Variants in CELSR2 observed in about 807,000 individuals in gnomAD.
CELSR2 encodes EGF-like protein 2.
CELSR2 carries 81 observed loss-of-function variants against 251.6 expected under a neutral mutation model. The ratio of observed to expected loss-of-function variants is 0.32; its 90% CI spans 0.27 to 0.39. CELSR2 has a LOEUF of 0.39. Among genes scored for constraint, CELSR2 ranks in the 10% least tolerant of loss-of-function variants. CELSR2 has a pLI of 1.00. For synonymous variants in CELSR2, 1,721 were observed against 1,670.5 expected, an observed-to-expected ratio of 1.03 and a Z score of -0.74; for missense variants, 3,365 against 3,947.7, an observed-to-expected ratio of 0.85 and a Z score of 3.96.
chr1:109,273,130 C>T lies in CELSR2; in HGVS notation c.8339-36C>T, dbSNP rs979102077. ...GGGTGGTGGCCTCCTGGCTATCTGCCCTCTGTGGGCCTCATCTACTTCCTT... is the reference window on the plus strand; with the variant it reads ...GGGTGGTGGCCTCCTGGCTATCTGCTCTCTGTGGGCCTCATCTACTTCCTT... On this transcript the variant is annotated intron_variant, in intron 31 of 33. Transcript: ENST00000271332. 4 of 1,603,506 alleles carry T rather than the reference C, an allele frequency of 2.5e-6. No homozygotes were observed. The Admixed American group carries it at 5.2e-5, about 21-fold the overall frequency.
rs764832827 is a variant in CELSR2, at chr1:109,268,017, G to A, written c.6275G>A (p.Arg2092Gln). 40 of 1,608,642 alleles carry A rather than the reference G, an allele frequency of 2.5e-5. No homozygotes were observed. The highest frequency in any genetic ancestry group is 6.7e-5 in the East Asian group (3 of 44,832). ...TRLLAHESTQ[R>Q]GFGLSATQDV... ...CTGCTGGCCCACGAGAGCACCCAGC[G>A]GGGCTTTGGGCTGTCTGCCACACAG... The change falls in exon 17 of 34, where the codon CGG becomes CAG. Residue 2092 changes from arginine (R) to glutamine (Q), a missense_variant. Transcript: ENST00000271332.
chr1:109,262,492 A>G, intron 6 of CELSR2, 48 bp downstream of exon 6: 6 of 1,595,836 alleles, frequency 3.8e-6, no homozygotes, highest in Non-Finnish European at 5.1e-6. Context: ...GGGCAGGGCC[A>G]GGCAGGGAGG....
At chr1:109,265,337 T>C (rs766104377) in intron 13 of CELSR2, 26 bp downstream of exon 13, 1 of 1,576,502 alleles carries the variant, frequency 6.3e-7, no homozygotes, top group East Asian at 2.2e-5. Context: ...AAGCCTCCAC[T>C]GTGGCCACTT....
Position 109,252,909 on chromosome 1 carries a change from A to T in CELSR2, c.2830A>T (p.Thr944Ser). ...CATTGGGCTAGCCGTGGCCCGGGTC[A>T]CAGCCACTGACCCCGATGAAGGCAC... ...SPIGLAVARV[T>S]ATDPDEGTNA... Residue 944 changes from threonine to serine, a missense_variant, in exon 1 of 34, where the codon ACA becomes TCA. By Grantham distance (58) the Thr-to-Ser change is moderately conservative. Transcript: ENST00000271332. This position sits in a 1 kb window ranked among gnomAD's most constrained non-coding sequence, Gnocchi z 4.8. The T allele has an allele frequency of 6.2e-7, 1 of 1,612,624 alleles. No individual in the cohort carries two copies. Among genetic ancestry groups the T allele is most frequent in the Non-Finnish European group, 8.5e-7 (1 of 1,179,212 alleles).
chr1:109,258,742 G>A lies in CELSR2; in HGVS notation c.3621G>A (p.Glu1207=). ...TCCTGCCCTCTGAGGACCTGCAGGAGCGCCTATACCTCAACCGCAGCCTGC... is the reference window on the plus strand; with the variant it reads ...TCCTGCCCTCTGAGGACCTGCAGGAACGCCTATACCTCAACCGCAGCCTGC... ...PPFLPSEDLQ[E]RLYLNRSLLT... Residue 1207 remains glutamate, a synonymous_variant, in exon 2 of 34, where the codon GAG becomes GAA. Coordinates refer to ENST00000271332, the MANE Select transcript of CELSR2 (RefSeq NM_001408.3). The A allele has an allele frequency of 1.9e-6, 3 of 1,568,506 alleles. No individual in the cohort carries two copies. Among genetic ancestry groups the A allele is most frequent in the Admixed American group, 1.9e-5 (1 of 52,866 alleles).
Position 109,261,182 on chromosome 1 carries a change from G to C in CELSR2, c.4099G>C (p.Val1367Leu), listed in dbSNP as rs1436289504. Residue 1367 changes from valine (V) to leucine (L), a missense_variant, in exon 3 of 34, where the codon GTG becomes CTG. Transcript: ENST00000271332. The surrounding 1 kb of genome is among the most constrained non-coding windows in gnomAD (Gnocchi z 4.8). ...AGACTTCGAGAAGCCCTACTGCCAGGTGACCACGCGCAGCTTCCCCGCCCA... is the reference window on the plus strand; with the variant it reads ...AGACTTCGAGAAGCCCTACTGCCAGCTGACCACGCGCAGCTTCCCCGCCCA... Reference protein sequence around the residue: ...SGDFEKPYCQVTTRSFPAHSF... With the variant: ...SGDFEKPYCQLTTRSFPAHSF... 2 of 1,614,150 alleles carry C rather than the reference G, an allele frequency of 1.2e-6. No homozygotes were observed. The highest frequency in any genetic ancestry group is 1.7e-6 in the Non-Finnish European group (2 of 1,180,020).
In CELSR2 at chr1:109,251,851, C is replaced by A; in HGVS notation, c.1772C>A (p.Thr591Asn). The change falls in exon 1 of 34, where the codon ACT becomes AAT. Residue 591 changes from threonine (T) to asparagine (N), a missense_variant. Transcript: ENST00000271332. This position sits in a 1 kb window ranked among gnomAD's most constrained non-coding sequence, Gnocchi z 4.9. ...CGAGACCATGGCACTCCAGCACTCA[C>A]TGCCTCGGCCAGTGTCAGCGTGACT... ...EARDHGTPAL[T>N]ASASVSVTVL... 6.2e-7 allele frequency: 1 copy of A among 1,614,170 alleles called. No homozygotes were observed. Among genetic ancestry groups the A allele is most frequent in the Non-Finnish European group, 8.5e-7 (1 of 1,180,028 alleles).
Position 109,264,323 on chromosome 1 carries a change from G to A in CELSR2, c.5247G>A (p.Gly1749=), listed in dbSNP as rs750051706. The part of the protein sequence containing the change: ...LSNITVGGIP[G]PAGGVARGFR... ...ACATAACAGTGGGCGGAATACCTGG[G>A]CCAGCCGGCGGTGTGGCCCGTGGCT... The change falls in exon 10 of 34, where the codon GGG becomes GGA. Residue 1749 remains glycine, a synonymous_variant. Transcript: ENST00000271332. The A allele has an allele frequency of 4.3e-6, 7 of 1,612,738 alleles. No homozygotes were observed. The highest frequency in any genetic ancestry group is 5.9e-6 in the Non-Finnish European group (7 of 1,179,058).
chr1:109,250,126 C>CGCCGCT lies in CELSR2; in HGVS notation c.49_50insCGCTGC (p.Pro16_Leu17insProLeu), dbSNP rs1553179299. 6.4e-6 allele frequency: 10 copies of CGCCGCT among 1,573,104 alleles called. No homozygotes were observed. Among genetic ancestry groups the CGCCGCT allele is most frequent in the South Asian group, 2.3e-5 (2 of 87,100 alleles). On this transcript the variant is annotated inframe_insertion, in exon 1 of 34. Coordinates refer to ENST00000271332, the MANE Select transcript of CELSR2 (RefSeq NM_001408.3). The surrounding 1 kb of genome is among the most constrained non-coding windows in gnomAD (Gnocchi z 4.4). ...GTCCCCCTCCCAACGCCGCCGCCGC[C>CGCCGCT]GCTGCTGCTGCTGTTGCTGCTGCTG...
chr1:109,253,101 A>G lies in CELSR2; in HGVS notation c.3022A>G (p.Thr1008Ala), dbSNP rs376285503. The part of the protein sequence containing the change: ...ATSAPLVSRA[T>A]VHVRLLDRND... ...GTCAGCTCCTCTGGTGAGCCGGGCTACAGTCCACGTCCGCCTCCTTGACCG... is the reference window on the plus strand; with the variant it reads ...GTCAGCTCCTCTGGTGAGCCGGGCTGCAGTCCACGTCCGCCTCCTTGACCG... The change falls in exon 1 of 34, where the codon ACA becomes GCA. Residue 1008 changes from threonine (T) to alanine (A), a missense_variant. This residue lies in a region of CELSR2 where 505 missense variants were observed against 660.0 expected (regional missense o/e 0.77). Coordinates refer to ENST00000271332, the MANE Select transcript of CELSR2 (RefSeq NM_001408.3). 163 of 1,613,656 alleles carry G rather than the reference A, an allele frequency of 1.0e-4. 2 individuals carry two copies. The highest frequency in any genetic ancestry group is 6.9e-5 in the Non-Finnish European group (82 of 1,180,026).
Position 109,266,197 on chromosome 1 carries a change from G to A in CELSR2, c.6004G>A (p.Gly2002Ser), listed in dbSNP as rs1016136564. ...GCCTGCTGCTGCTCCCTGTCCCAAAGGCTCCTTTGGTAGGTGTTGGAGGCC... is the reference window on the plus strand; with the variant it reads ...GCCTGCTGCTGCTCCCTGTCCCAAAAGCTCCTTTGGTAGGTGTTGGAGGCC... Reference protein sequence around the residue: ...GLPAAAPCPKGSFGTAVRHCD... With the variant: ...GLPAAAPCPKSSFGTAVRHCD... The change falls in exon 15 of 34, where the codon GGC (glycine) becomes AGC (serine). Residue 2002 changes from glycine (G) to serine (S), a missense_variant. Around this residue, in one of 5 missense-constraint regions of CELSR2, gnomAD observed 2,093 missense variants for 2,382.8 expected, o/e 0.88. Coordinates refer to ENST00000271332, the MANE Select transcript of CELSR2 (RefSeq NM_001408.3). 3 of 1,613,982 alleles carry A rather than the reference G, an allele frequency of 1.9e-6. No homozygotes were observed. The highest frequency in any genetic ancestry group is 1.3e-5 in the African/African-American group (1 of 74,938).
intron 13 of CELSR2, 77 bp from the exon 14 acceptor site, chr1:109,265,658 G>A: frequency 6.5e-7 from 1 of 1,538,100 alleles, no homozygotes; most frequent in Non-Finnish European, 8.8e-7. Context: ...CTCCACAGGG[G>A]CCACAGCTGA....
Position 109,261,799 on chromosome 1 carries a change from T to A in CELSR2, c.4298-9T>A. 6.3e-7 allele frequency: 1 copy of A among 1,586,082 alleles called. No homozygotes were observed. Among genetic ancestry groups the A allele is most frequent in the African/African-American group, 1.3e-5 (1 of 74,296 alleles). On this transcript the variant is annotated splice_polypyrimidine_tract_variant and intron_variant, in intron 4 of 33. Coordinates refer to ENST00000271332, the MANE Select transcript of CELSR2 (RefSeq NM_001408.3). This position sits in a 1 kb window ranked among gnomAD's most constrained non-coding sequence, Gnocchi z 4.8. ...TCAGGCATTCCAGCTCACCTGGTCC[T>A]TTCCCCAGGGGAGTCAACCACCACG... is the stretch of plus-strand genomic sequence containing the variant.
In CELSR2 at chr1:109,251,833, A is replaced by G. The variant is rs115030739; in HGVS notation, c.1754A>G (p.His585Arg). 5.6e-4 allele frequency: 904 copies of G among 1,614,068 alleles called. 5 individuals carry two copies. The African/African-American group carries it at 0.011, about 19-fold the overall frequency. The change falls in exon 1 of 34, where the codon CAT becomes CGT. Residue 585 changes from histidine (H) to arginine (R), a missense_variant. Coordinates refer to ENST00000271332, the MANE Select transcript of CELSR2 (RefSeq NM_001408.3). This position sits in a 1 kb window ranked among gnomAD's most constrained non-coding sequence, Gnocchi z 4.9. ...AGCTTTGGGGTAGAAGCTCGAGACC[A>G]TGGCACTCCAGCACTCACTGCCTCG... ...FYSFGVEARD[H>R]GTPALTASAS...
Position 109,258,719 on chromosome 1 carries a change from C to T in CELSR2, c.3598C>T (p.Leu1200=), listed in dbSNP as rs1278052985. ...PPGPGGGPPF[L]PSEDLQERLY... is the part of the protein sequence containing the mutation. ...AGGGCCCGGGGGCGGGCCGCCCTTC[C>T]TGCCCTCTGAGGACCTGCAGGAGCG... is the stretch of plus-strand genomic sequence containing the variant. Residue 1200 remains leucine, a synonymous_variant, in exon 2 of 34, where the codon CTG becomes TTG. Coordinates refer to ENST00000271332, the MANE Select transcript of CELSR2 (RefSeq NM_001408.3). 6.4e-7 allele frequency: 1 copy of T among 1,557,022 alleles called. No individual in the cohort carries two copies. The highest frequency in any genetic ancestry group is 1.4e-5 in the African/African-American group (1 of 73,476).
chr1:109,251,346 G>A lies in CELSR2; in HGVS notation c.1267G>A (p.Ala423Thr), dbSNP rs773068309. ...TPGAPVLRVT[A>T]SDRDKGSNAV... ...AGGGGCCCCAGTACTCCGAGTCACA[G>A]CCTCGGATCGAGACAAGGGGAGCAA... Residue 423 changes from alanine (A) to threonine (T), a missense_variant, in exon 1 of 34, where the codon GCC (alanine) becomes ACC (threonine). Coordinates refer to ENST00000271332, the MANE Select transcript of CELSR2 (RefSeq NM_001408.3). The surrounding 1 kb of genome is among the most constrained non-coding windows in gnomAD (Gnocchi z 4.9). The A allele has an allele frequency of 1.2e-6, 2 of 1,614,174 alleles. No homozygotes were observed. Among genetic ancestry groups the A allele is most frequent in the Admixed American group, 3.3e-5 (2 of 60,032 alleles).
rs544545513 is a variant in CELSR2, at chr1:109,274,341, A to T, written c.*292A>T. The T allele has an allele frequency of 3.6e-5, 21 of 585,430 alleles. No homozygotes were observed. In the South Asian group the frequency reaches 5.9e-4, roughly 16 times the overall value. 36.3% of individuals were successfully genotyped at this position (585,430 alleles called of 1,614,324 possible). ...GAGGAAAAAAAGAATTTAAAAAAGGATCTCCACTCTTCATGACTTCAGGGA... is the reference window on the plus strand; with the variant it reads ...GAGGAAAAAAAGAATTTAAAAAAGGTTCTCCACTCTTCATGACTTCAGGGA... On this transcript the variant is annotated 3_prime_UTR_variant, in exon 34 of 34. Coordinates refer to ENST00000271332, the MANE Select transcript of CELSR2 (RefSeq NM_001408.3).
At position 109,250,631 on chromosome 1, in the gene CELSR2, C is replaced by T; in HGVS notation, c.552C>T (p.Pro184=). ...ATACAGCCCCCCAGTTCCAGCCCCCCAGCTACCAGGCCACAGTGCCGGAGA... is the reference window on the plus strand; with the variant it reads ...ATACAGCCCCCCAGTTCCAGCCCCCTAGCTACCAGGCCACAGTGCCGGAGA... The part of the protein sequence containing the change: ...NVNTAPQFQP[P]SYQATVPENQ... The change falls in exon 1 of 34, where the codon CCC becomes CCT. Residue 184 remains proline, a synonymous_variant. Transcript: ENST00000271332. The surrounding 1 kb of genome is among the most constrained non-coding windows in gnomAD (Gnocchi z 4.4). 6.2e-7 allele frequency: 1 copy of T among 1,614,030 alleles called. No individual in the cohort carries two copies. The highest frequency in any genetic ancestry group is 8.5e-7 in the Non-Finnish European group (1 of 1,179,982).
rs556271064 is a variant in CELSR2, at chr1:109,262,344, G to T, written c.4444G>T (p.Val1482Leu). 14 of 1,614,184 alleles carry T rather than the reference G, an allele frequency of 8.7e-6. 1 individual carries two copies. The South Asian group carries it at 1.5e-4, about 18-fold the overall frequency. The change falls in exon 6 of 34, where the codon GTG (valine) becomes TTG (leucine). Residue 1482 changes from valine (V) to leucine (L), a missense_variant. By Grantham distance (32) the Val-to-Leu change is conservative. Coordinates refer to ENST00000271332, the MANE Select transcript of CELSR2 (RefSeq NM_001408.3). ...CCCATCAGAGCAGAAGGTGGCTGTG[G>T]TGACCGTGGATGGCTGTGACACAGG... is the stretch of plus-strand genomic sequence containing the variant. ...QGPSEQKVAV[V>L]TVDGCDTGVA...
Sources: gnomAD v4.1 joint callset for allele counts on GRCh38, gnomAD v4.1.1 for gene constraint, gnomAD v4.1.1 regional missense constraint, Gnocchi (gnomAD v3.1) non-coding constraint, MANE v1.5 for transcripts, NCBI Gene and HGNC (gene_info 2026-07-23, HGNC 2026-07-21) for gene names.